MZB1: variants seen among roughly 807,000 people sequenced by gnomAD.
MZB1 encodes marginal zone B and B1 cell specific protein.
In MZB1, 10 loss-of-function variants were observed where a neutral mutation model predicts 17.2. The ratio of observed to expected loss-of-function variants is 0.58; its 90% CI spans 0.36 to 0.98. The LOEUF (loss-of-function observed/expected upper bound fraction) is 0.98, where lower values mean the gene tolerates loss of function less well. Ranked by LOEUF, MZB1 falls within the 50% of genes least tolerant of loss-of-function variation. The pLI is 0.01. For missense variants in MZB1, 246 were observed against 237.5 expected (o/e 1.04, Z -0.23); for synonymous variants, 99 against 98.7 (o/e 1.00, Z -0.02).
At chr5:139,389,151 C>T (rs1480922435) in intron 1 of MZB1, 15 of 298,824 alleles carry the variant, frequency 5.0e-5, no homozygotes, top group South Asian at 1.4e-4. Context: ...GGATTACAGG[C>T]GTGAGCCACC....
intron 1 of MZB1, 157 bp from the exon 2 acceptor site, chr5:139,388,742 A>G (rs950769292): frequency 1.3e-5 from 16 of 1,247,698 alleles, no homozygotes; most frequent in Admixed American, 5.6e-5. Flanking sequence ...CCCCTCCCCC[A>G]GCCCCCAAAG....
intron 2 of MZB1, 53 bp downstream of exon 2, chr5:139,388,408 C>T: frequency 1.3e-6 from 2 of 1,534,216 alleles, no homozygotes; most frequent in Non-Finnish European, 1.8e-6. Context: ...GAATCTCCAC[C>T]CACCAGGCCT....
In MZB1 at chr5:139,388,486, G is replaced by C; in HGVS notation, c.277C>G (p.Arg93Gly). 1 of 1,605,362 alleles carries C rather than the reference G, an allele frequency of 6.2e-7. No individual in the cohort carries two copies. The highest frequency in any genetic ancestry group is 8.5e-7 in the Non-Finnish European group (1 of 1,176,206). ...SELVYTDVLD[R>G]SCSRNWQDYG... ...TCCTGCCAGTTCCGGGAGCAGCTCC[G>C]GTCCAGGACATCCGTGTAGACCAAC... The change falls in exon 2 of 4, where the codon CGG becomes GGG. Residue 93 changes from arginine to glycine, a missense_variant. Physicochemically the swap from Arg to Gly is moderately radical, Grantham distance 125. Transcript: ENST00000302125.
At chr5:139,388,255 C>T (rs1397590304) in intron 2 of MZB1, 124 bp from the exon 3 acceptor site, 6 of 1,128,018 alleles carry the variant, frequency 5.3e-6, no homozygotes, top group Non-Finnish European at 6.2e-6. Context: ...AGCCCCTGGC[C>T]CAAGGTCACA....
Position 139,387,821 on chromosome 5 carries a change from C to A in MZB1, c.514G>T (p.Gly172Trp). ...GRGALEALLC[G>W]GPQGACSEKV... is the part of the protein sequence containing the mutation. ...TCTGAGCAGGCCCCCTGGGGTCCCC[C>A]ACATAGCAATGCCTCCAGAGCCCCT... Residue 172 changes from glycine to tryptophan, a missense_variant, in exon 4 of 4, where the codon GGG becomes TGG. Transcript: ENST00000302125. 1.9e-6 allele frequency: 3 copies of A among 1,596,818 alleles called. No individual in the cohort carries two copies. The highest frequency in any genetic ancestry group is 2.6e-6 in the Non-Finnish European group (3 of 1,173,612).
In MZB1 at chr5:139,387,843, C is replaced by T; in HGVS notation, c.492G>A (p.Gly164=). The T allele has an allele frequency of 6.2e-7, 1 of 1,606,178 alleles. No individual in the cohort carries two copies. The highest frequency in any genetic ancestry group is 8.5e-7 in the Non-Finnish European group (1 of 1,176,790). ...CCCCACATAGCAATGCCTCCAGAGCCCCTCGGCCTTGTTGGTGGGCTTCAT... is the reference window on the plus strand; with the variant it reads ...CCCCACATAGCAATGCCTCCAGAGCTCCTCGGCCTTGTTGGTGGGCTTCAT... ...QIYEAHQQGR[G]ALEALLCGGP... is the part of the protein sequence containing the mutation. The change falls in exon 4 of 4, where the codon GGG becomes GGA. Residue 164 remains glycine, a synonymous_variant. Coordinates refer to ENST00000302125, the MANE Select transcript of MZB1 (RefSeq NM_016459.4).
At chr5:139,388,390 C>CTG in intron 2 of MZB1, 71 bp downstream of exon 2, 1 of 1,474,616 alleles carries the variant, frequency 6.8e-7, no homozygotes, top group South Asian at 1.2e-5. Context: ...GTGTGAGCGG[C>CTG]TGAGTGGGAA....
At chr5:139,387,969 G>A (rs759844845) in intron 3 of MZB1, 48 bp from the exon 4 acceptor site, 11 of 1,577,526 alleles carry the variant, frequency 7.0e-6, no homozygotes, top group Non-Finnish European at 9.5e-6. Flanking sequence ...CCCACAGTGG[G>A]GCAAACCAAG....
In MZB1 at chr5:139,387,935, G is replaced by A; in HGVS notation, c.414-14C>T. ...GTCCTGGAGAGCCTAGGGGAGCCCA[G>A]CAGGAGCCTCAGATGCTGCCCAGCC... On this transcript the variant is annotated splice_polypyrimidine_tract_variant and intron_variant, in intron 3 of 3. Coordinates refer to ENST00000302125, the MANE Select transcript of MZB1 (RefSeq NM_016459.4). The A allele has an allele frequency of 6.3e-7, 1 of 1,575,618 alleles. No individual in the cohort carries two copies. Among genetic ancestry groups the A allele is most frequent in the Non-Finnish European group, 8.6e-7 (1 of 1,163,352 alleles).
intron 1 of MZB1, 99 bp downstream of exon 1, chr5:139,389,581 T>G (rs1238566192): frequency 1.5e-6 from 2 of 1,360,434 alleles, no homozygotes; most frequent in Non-Finnish European, 2.0e-6. Flanking sequence ...GTGGTAGGGA[T>G]TGGGGATCAA....
At chr5:139,388,260 G>T in intron 2 of MZB1, 129 bp from the exon 3 acceptor site, 5 of 1,098,388 alleles carry the variant, frequency 4.6e-6, no homozygotes, top group Non-Finnish European at 6.4e-6. Context: ...CTGGCCCAAG[G>T]TCACAAGGTG....
rs1221850773 is a variant in MZB1 at position 139,387,577 on chromosome 5, T to C, written c.*188A>G. 2 of 500,472 alleles carry C rather than the reference T, an allele frequency of 4.0e-6. No individual in the cohort carries two copies. The highest frequency in any genetic ancestry group is 6.3e-6 in the Non-Finnish European group (2 of 315,154). The allele number at this position is 500,472 out of a possible 1,614,324, so 31.0% of individuals were successfully genotyped here. A position where few individuals can be genotyped will look rare whatever the true frequency, so the allele number is the denominator to read the frequency against. On this transcript the variant is annotated 3_prime_UTR_variant, in exon 4 of 4. Transcript: ENST00000302125. ...TTGCAGAGAAAAGAAGTGAGGTCAC[T>C]GGGTTTTATTTGAGTCCAGAGGGGA...
intron 1 of MZB1, chr5:139,388,792 A>C: frequency 1.3e-6 from 1 of 772,138 alleles, no homozygotes; most frequent in African/African-American, 1.8e-5. Flanking sequence ...AGAAATGCTG[A>C]AGTGGTAGGT....
rs745808689 is a variant in MZB1 at position 139,388,528 on chromosome 5, GC to G, written c.234del (p.Arg79GlyfsTer4). 1.2e-6 allele frequency: 2 copies of G among 1,600,330 alleles called. No homozygotes were observed. Among genetic ancestry groups the G allele is most frequent in the Non-Finnish European group, 1.7e-6 (2 of 1,173,456 alleles). ...TAGACCAACTCGCTCAGCTCCCGCC[GC>G]CCCCCAGAGTTTGAGGTATGAAGTT... ...ETKLHTSNSGGRRELSELVYT... is the reference protein window; with the variant it reads ...ETKLHTSNSGXRRELSELVYT... On this transcript the variant is annotated frameshift_variant, in exon 2 of 4. Transcript: ENST00000302125. LOFTEE classifies it high-confidence loss of function.
chr5:139,388,458 C>T lies in MZB1; in HGVS notation c.302+3G>A. 1 of 1,600,988 alleles carries T rather than the reference C, an allele frequency of 6.2e-7. No homozygotes were observed. On this transcript the variant is annotated splice_donor_region_variant and intron_variant, in intron 2 of 3. Transcript: ENST00000302125. ...GAGGTGGGGGGCAGGATTGGCAACT[C>T]ACTCCTGCCAGTTCCGGGAGCAGCT...
rs1049154469 is a variant in MZB1 at position 139,388,197 on chromosome 5, C to T, written c.303-66G>A. Reference sequence around the variant, plus strand: ...AGCCCAGCCAGGGAGAGACCCATCTCCACAGCAAGCTGGACATGCTGGGCA... The same window carrying T: ...AGCCCAGCCAGGGAGAGACCCATCTTCACAGCAAGCTGGACATGCTGGGCA... On this transcript the variant is annotated intron_variant, in intron 2 of 3. Coordinates refer to ENST00000302125, the MANE Select transcript of MZB1 (RefSeq NM_016459.4). The T allele has an allele frequency of 3.5e-6, 5 of 1,412,412 alleles. No individual in the cohort carries two copies. The African/African-American group carries it at 4.3e-5, about 12-fold the overall frequency. The allele number at this position is 1,412,412 out of a possible 1,614,324, so 87.5% of individuals were successfully genotyped here.
intron 1 of MZB1, chr5:139,388,829 C>A: frequency 2.2e-6 from 1 of 456,958 alleles, no homozygotes; most frequent in Non-Finnish European, 3.9e-6. Context: ...GGTCCCTCGT[C>A]CAGGGCACAC....
At position 139,387,705 on chromosome 5, in the gene MZB1, C is replaced by T. The variant is rs1044070973; in HGVS notation, c.*60G>A. The T allele has an allele frequency of 1.5e-5, 22 of 1,470,522 alleles. No individual in the cohort carries two copies. Among genetic ancestry groups the T allele is most frequent in the African/African-American group, 2.9e-5 (2 of 69,712 alleles). The allele number at this position is 1,470,522 out of a possible 1,614,324, so 91.1% of individuals were successfully genotyped here. A position where few individuals can be genotyped will look rare whatever the true frequency, so the allele number is the denominator to read the frequency against. On this transcript the variant is annotated 3_prime_UTR_variant, in exon 4 of 4. Transcript: ENST00000302125. Reference sequence around the variant, plus strand: ...TCCTGCCCTCCTGGCTGCCTGCAGACGGGAGTGGAGACCGTCAGAGCAAGC... The same window carrying T: ...TCCTGCCCTCCTGGCTGCCTGCAGATGGGAGTGGAGACCGTCAGAGCAAGC...
Position 139,388,580 on chromosome 5 carries a change from C to T in MZB1, c.183G>A (p.Trp61Ter). Residue 61 changes from tryptophan (W) to a stop codon, truncating the protein, a stop_gained, in exon 2 of 4, where the codon TGG becomes TGA. Transcript: ENST00000302125. LOFTEE classifies it high-confidence loss of function. ...DACRAVAYQM[W>*]QNLAKAETKL... Reference sequence around the variant, plus strand: ...TGGTCTCTGCCTTTGCCAGATTTTGCCACATCTGGAACAAGGAGGGACTGG... The same window carrying T: ...TGGTCTCTGCCTTTGCCAGATTTTGTCACATCTGGAACAAGGAGGGACTGG... The T allele has an allele frequency of 1.2e-6, 2 of 1,603,256 alleles. No homozygotes were observed. Among genetic ancestry groups the T allele is most frequent in the Non-Finnish European group, 8.5e-7 (1 of 1,174,874 alleles).
Sources: allele counts gnomAD v4.1 joint callset, GRCh38; gene constraint gnomAD v4.1.1; transcripts MANE v1.5; gene names NCBI Gene and HGNC (gene_info 2026-07-23, HGNC 2026-07-21).